Variants in NKD1 observed in about 807,000 individuals in gnomAD.
The protein encoded by NKD1 is NKD inhibitor of Wnt signaling pathway 1.
In NKD1, 21 loss-of-function variants were observed where a neutral mutation model predicts 56.0. The observed-to-expected ratio is 0.38, with a 90% CI of 0.27 to 0.54. The LOEUF (loss-of-function observed/expected upper bound fraction) is 0.54, where lower values mean the gene tolerates loss of function less well. Ranked by LOEUF, NKD1 falls within the 20% of genes least tolerant of loss-of-function variation. The probability of loss-of-function intolerance (pLI) is 0.82; values close to 1 mark genes in which losing one functional copy is unlikely to be tolerated. For synonymous variants in NKD1, 263 were observed against 265.7 expected (o/e 0.99, Z 0.10); for missense variants, 578 against 642.7 (o/e 0.90, Z 1.09).
chr16:50,584,866 T>G (rs1286991420), intron 3 of NKD1, among the ~76,000 whole-genome samples: 3 of 152,164 alleles, frequency 2.0e-5, no homozygotes, highest in Non-Finnish European at 4.4e-5. Context: ...ACTTACCCTA[T>G]AGCACCTGTG....
chr16:50,610,546 G>A (rs1271373786), intron 4 of NKD1, among the ~76,000 whole-genome samples: 2 of 152,234 alleles, frequency 1.3e-5, no homozygotes, highest in East Asian at 3.9e-4. Context: ...GGACTGAGGG[G>A]TCCCTCTGTG....
At position 50,623,725 on chromosome 16, in the gene NKD1, C is replaced by CTGTGTGTGTGTG. The variant is rs71928407; in HGVS notation, c.367-1732_367-1721dup. Among the ~76,000 whole-genome samples the CTGTGTGTGTGTG allele has an allele frequency of 7.6e-3, 1,075 of 141,598 alleles. 7 individuals carry two copies. The highest frequency in any genetic ancestry group is 0.018 in the East Asian group (86 of 4,736). 92.9% of individuals were successfully genotyped at this position (141,598 alleles called of 152,430 possible). On this transcript the variant is annotated intron_variant, in intron 5 of 9. Transcript: ENST00000268459. This position sits in a 1 kb window ranked among gnomAD's most constrained non-coding sequence, Gnocchi z 4.1. ...AAGCTGTCTTGGAAACAGGTAAGTGCTGTGTGTGTGTGTGTGTGTGTGTGT... is the reference window on the plus strand; with the variant it reads ...AAGCTGTCTTGGAAACAGGTAAGTGCTGTGTGTGTGTGTGTGTGTGTGTGTGTGTGTGTGTGT...
intron 3 of NKD1, among the ~76,000 whole-genome samples, chr16:50,567,278 A>G (rs901150864): frequency 6.6e-6 from 1 of 152,246 alleles, no homozygotes; most frequent in Non-Finnish European, 1.5e-5. Flanking sequence ...TGTACTCAGT[A>G]GCCCTTTAAG....
rs1386981949 is a variant in NKD1 at position 50,644,394 on chromosome 16, C to G, written c.*10613C>G. On this transcript the variant is annotated 3_prime_UTR_variant, in exon 10 of 10. Transcript: ENST00000268459. ...GCCTCCCCACCCGCCCCCAGCGGGACCTAGCACATGGCCTGCTGTTGACAC... is the reference window on the plus strand; with the variant it reads ...GCCTCCCCACCCGCCCCCAGCGGGAGCTAGCACATGGCCTGCTGTTGACAC... 1 of 152,254 alleles carries G rather than the reference C, an allele frequency of 6.6e-6. No individual in the cohort carries two copies. The highest frequency in any genetic ancestry group is 2.4e-5 in the African/African-American group (1 of 41,460). The allele number at this position is 152,254 out of a possible 1,614,324, so 9.4% of individuals were successfully genotyped here.
chr16:50,605,565 G>A (rs1318539960), intron 3 of NKD1, among the ~76,000 whole-genome samples: 2 of 152,192 alleles, frequency 1.3e-5, no homozygotes, highest in Admixed American at 1.3e-4. Context: ...AACACATACA[G>A]ACTTTTCTTG....
At chr16:50,576,151 A>C (rs957172507) in intron 3 of NKD1, among the ~76,000 whole-genome samples, 4 of 152,160 alleles carry the variant, frequency 2.6e-5, no homozygotes, top group African/African-American at 9.7e-5. Context: ...TGTTGGGACT[A>C]TATGCTAGTT....
intron 1 of NKD1, 62 bp downstream of exon 1, chr16:50,548,640 ACT>A: frequency 6.9e-7 from 1 of 1,442,758 alleles, no homozygotes; most frequent in South Asian, 1.3e-5. Context: ...GCGGTCGCTA[ACT>A]CTCTCCCTTC....
At chr16:50,607,069 A>G (rs1961728518) in intron 3 of NKD1, 1 of 456,478 alleles carries the variant, frequency 2.2e-6, no homozygotes, top group Non-Finnish European at 4.4e-6. Context: ...CGAGGAATAA[A>G]GTAGCCTGGT....
chr16:50,576,570 A>G (rs1461756135), intron 3 of NKD1, among the ~76,000 whole-genome samples: 1 of 152,070 alleles, frequency 6.6e-6, no homozygotes, highest in Non-Finnish European at 1.5e-5. Flanking sequence ...GTATCCTGAA[A>G]ATGCACCAGA....
At position 50,641,492 on chromosome 16, in the gene NKD1, C is replaced by G. The variant is rs1596770664; in HGVS notation, c.*7711C>G. On this transcript the variant is annotated 3_prime_UTR_variant, in exon 10 of 10. Transcript: ENST00000268459. Reference sequence around the variant, plus strand: ...AAATCTGAGGGTTTCACCTAAAAACCTGGATGTTTGGCTTTTCTCATAAAA... The same window carrying G: ...AAATCTGAGGGTTTCACCTAAAAACGTGGATGTTTGGCTTTTCTCATAAAA... 1.3e-5 allele frequency: 2 copies of G among 152,186 alleles called. No homozygotes were observed. The highest frequency in any genetic ancestry group is 4.8e-5 in the African/African-American group (2 of 41,444). The allele number at this position is 152,186 out of a possible 1,614,324, so 9.4% of individuals were successfully genotyped here.
chr16:50,614,853 CATA>C (rs1276631094), intron 4 of NKD1, among the ~76,000 whole-genome samples: 1 of 152,142 alleles, frequency 6.6e-6, no homozygotes, highest in Non-Finnish European at 1.5e-5. Flanking sequence ...CATATGACCA[CATA>C]AACACCTTGC....
rs78007829 is a variant in NKD1, at chr16:50,647,192, G to A, written c.*13411G>A. 6.6e-5 allele frequency: 10 copies of A among 152,306 alleles called. No homozygotes were observed. The highest frequency in any genetic ancestry group is 3.9e-4 in the East Asian group (2 of 5,190). 9.4% of individuals were successfully genotyped at this position (152,306 alleles called of 1,614,324 possible). A position where few individuals can be genotyped will look rare whatever the true frequency, so the allele number is the denominator to read the frequency against. ...CATCCTTTCTGTCCATAGGTGATTCGTCTAAGCCAGACATGGCAAAGTCCT... is the reference window on the plus strand; with the variant it reads ...CATCCTTTCTGTCCATAGGTGATTCATCTAAGCCAGACATGGCAAAGTCCT... On this transcript the variant is annotated 3_prime_UTR_variant, in exon 10 of 10. Coordinates refer to ENST00000268459, the MANE Select transcript of NKD1 (RefSeq NM_033119.5).
At position 50,579,795 on chromosome 16, in the gene NKD1, A is replaced by G. The variant is rs574692858; in HGVS notation, c.193-28499A>G. Among the ~76,000 whole-genome samples the G allele has an allele frequency of 1.5e-3, 187 of 122,312 alleles. 1 individual carries two copies. Among genetic ancestry groups the G allele is most frequent in the Middle Eastern group, 5.6e-3 (1 of 180 alleles). The allele number at this position is 122,312 out of a possible 152,430, so 80.2% of individuals were successfully genotyped here. A position where few individuals can be genotyped will look rare whatever the true frequency, so the allele number is the denominator to read the frequency against. On this transcript the variant is annotated intron_variant, in intron 3 of 9. Coordinates refer to ENST00000268459, the MANE Select transcript of NKD1 (RefSeq NM_033119.5). The stretch of plus-strand genomic sequence containing the variant: ...CTACACACGCACTCTAACCCGCCAC[A>G]CATGCACTGTCTTACTCCTGTGGGC...
chr16:50,631,244 C>T, intron 8 of NKD1, among the ~76,000 whole-genome samples: 1 of 152,114 alleles, frequency 6.6e-6, no homozygotes, highest in Non-Finnish European at 1.5e-5. Flanking sequence ...AGACCGTAAA[C>T]ACCTTCCCAT....
chr16:50,574,337 C>G, intron 3 of NKD1: 1 of 985,344 alleles, frequency 1.0e-6, no homozygotes, highest in Non-Finnish European at 1.2e-6. Context: ...GCTGAGGTGT[C>G]CTGGGAGGGC....
At chr16:50,615,342 CAT>C (rs1961937186) in intron 4 of NKD1, among the ~76,000 whole-genome samples, 1 of 152,188 alleles carries the variant, frequency 6.6e-6, no homozygotes. Context: ...GCACTATAGA[CAT>C]ATATATCTCA....
chr16:50,553,101 G>C (rs1355283595), intron 3 of NKD1, among the ~76,000 whole-genome samples: 2 of 152,220 alleles, frequency 1.3e-5, no homozygotes, highest in Admixed American at 1.3e-4. Flanking sequence ...GGAGGATGCT[G>C]GAAACATGAA....
At chr16:50,558,173 A>G (rs1009095907) in intron 3 of NKD1, 5 of 152,260 alleles carry the variant, frequency 3.3e-5, no homozygotes, top group African/African-American at 4.8e-5. Flanking sequence ...TTGTTAACCA[A>G]TTAAAATTTT....
Position 50,639,044 on chromosome 16 carries a change from T to G in NKD1, c.*5263T>G, listed in dbSNP as rs1962527002. 6.6e-6 allele frequency: 1 copy of G among 152,180 alleles called. No individual in the cohort carries two copies. Among genetic ancestry groups the G allele is most frequent in the Non-Finnish European group, 1.5e-5 (1 of 68,042 alleles). 9.4% of individuals were successfully genotyped at this position (152,180 alleles called of 1,614,324 possible). ...GCAGAGGGGATGCTCACACCAGTAA[T>G]TCTCATCCCCTGAATGCTTGGGATC... On this transcript the variant is annotated 3_prime_UTR_variant, in exon 10 of 10. Coordinates refer to ENST00000268459, the MANE Select transcript of NKD1 (RefSeq NM_033119.5).
Sources: allele counts gnomAD v4.1 joint callset (sites outside exome capture counted in the v4.1 genomes callset), GRCh38; gene constraint gnomAD v4.1.1; non-coding constraint Gnocchi (gnomAD v3.1); transcripts MANE v1.5; gene names NCBI Gene and HGNC (gene_info 2026-07-23, HGNC 2026-07-21).